C14orf39: variants seen among roughly 807,000 people sequenced by gnomAD.
C14orf39 encodes the protein protein SIX6OS1.
Under a neutral mutation model 85.6 loss-of-function variants are expected in C14orf39, and 66 were observed. That is an observed-to-expected ratio of 0.77 (90% CI 0.63 to 0.95). C14orf39 has a LOEUF of 0.95. C14orf39 is among the 40% of genes least tolerant of loss of function. The pLI is 0.00. For missense variants in C14orf39, 735 were observed against 663.9 expected, an observed-to-expected ratio of 1.11 and a Z score of -1.18; for synonymous variants, 242 against 214.0, an observed-to-expected ratio of 1.13 and a Z score of -1.14.
intron 5 of C14orf39, among the ~76,000 whole-genome samples, 157 bp downstream of exon 5, chr14:60,478,143 C>T (rs1170407976): frequency 8.8e-6 from 1 of 113,560 alleles, no homozygotes; most frequent in African/African-American, 3.2e-5. Context: ...CATGCCACTG[C>T]ACTCCAGCCT....
chr14:60,468,794 A>C (rs555808426), intron 8 of C14orf39, among the ~76,000 whole-genome samples: 100 of 151,726 alleles, frequency 6.6e-4, no homozygotes, highest in Non-Finnish European at 1.0e-3. Context: ...ATTATAAGCA[A>C]AGTAGACATT....
intron 2 of C14orf39, chr14:60,494,485 C>G (rs1045905463): frequency 3.9e-5 from 6 of 152,788 alleles, no homozygotes; most frequent in Non-Finnish European, 8.8e-5. Context: ...AAGAACATGG[C>G]CAAGGGTCTG....
At chr14:60,508,756 G>A (rs963591604) in intron 1 of C14orf39, among the ~76,000 whole-genome samples, 4 of 152,336 alleles carry the variant, frequency 2.6e-5, no homozygotes, top group Non-Finnish European at 5.9e-5. Context: ...CGAATTCTCG[G>A]AGCATTTCAG....
chr14:60,446,592 G>T (rs556616108), intron 16 of C14orf39, among the ~76,000 whole-genome samples: 2 of 152,178 alleles, frequency 1.3e-5, no homozygotes, highest in Admixed American at 1.3e-4. Context: ...AGGACCAGAC[G>T]GAATCACAAC....
chr14:60,475,658 G>A (rs1459342130), intron 5 of C14orf39, among the ~76,000 whole-genome samples: 1 of 152,056 alleles, frequency 6.6e-6, no homozygotes, highest in African/African-American at 2.4e-5. Context: ...AGTAGTCATG[G>A]CAGATGTTGG....
chr14:60,496,500 TCTTA>T (rs1893071931), intron 2 of C14orf39: 1 of 246,962 alleles, frequency 4.0e-6, no homozygotes, highest in Admixed American at 4.5e-5. Context: ...ATGTGACCAT[TCTTA>T]CTGCTTGGAC....
chr14:60,445,065 G>T (rs1489069596), intron 16 of C14orf39, among the ~76,000 whole-genome samples: 1 of 151,598 alleles, frequency 6.6e-6, no homozygotes, highest in African/African-American at 2.4e-5. Flanking sequence ...GCTCCTGAAG[G>T]GAACACTAAA....
chr14:60,493,319 T>C (rs1893019833), intron 2 of C14orf39, among the ~76,000 whole-genome samples: 1 of 152,164 alleles, frequency 6.6e-6, no homozygotes, highest in African/African-American at 2.4e-5. Flanking sequence ...GAAAGATAGG[T>C]ACATGGTTAG....
At chr14:60,509,175 G>T in intron 1 of C14orf39, 1 of 579,690 alleles carries the variant, frequency 1.7e-6, no homozygotes. Flanking sequence ...CTGCCGGCGT[G>T]CCTGAGCCGA....
intron 4 of C14orf39, among the ~76,000 whole-genome samples, chr14:60,480,779 A>T (rs1892604176): frequency 6.7e-6 from 1 of 149,814 alleles, no homozygotes; most frequent in African/African-American, 2.4e-5. Context: ...CCTGAAAAAA[A>T]GTAGGAAATT....
At chr14:60,510,290 C>G (rs920742382) in intron 1 of C14orf39, among the ~76,000 whole-genome samples, 3 of 152,186 alleles carry the variant, frequency 2.0e-5, no homozygotes, top group Admixed American at 2.0e-4. Context: ...ACCCCAAGAC[C>G]CAAAGCTAAT....
intron 16 of C14orf39, among the ~76,000 whole-genome samples, chr14:60,443,977 A>T (rs1340759724): frequency 6.6e-6 from 1 of 152,228 alleles, no homozygotes; most frequent in Non-Finnish European, 1.5e-5. Flanking sequence ...AAGGAAAACT[A>T]ACAAACAGAA....
In C14orf39 at chr14:60,467,463, T is replaced by C. The variant is rs137992189; in HGVS notation, c.768-419A>G. ...AATTGTTAAAACAGTATTATAATCA[T>C]AAATGGGTCTTTTAAGTTTTTTACT... is the stretch of plus-strand genomic sequence containing the variant. On this transcript the variant is annotated intron_variant, in intron 9 of 17. Transcript: ENST00000321731. Among the ~76,000 whole-genome samples, 51 of 151,976 alleles carry C rather than the reference T, an allele frequency of 3.4e-4. No homozygotes were observed. The East Asian group carries it at 9.5e-3, about 28-fold the overall frequency.
At chr14:60,473,777 C>T (rs1167431957) in intron 5 of C14orf39, among the ~76,000 whole-genome samples, 1 of 152,138 alleles carries the variant, frequency 6.6e-6, no homozygotes, top group African/African-American at 2.4e-5. Flanking sequence ...TCTTTTGGTA[C>T]CAGTACCATG....
In C14orf39 at chr14:60,480,345, C is replaced by T. The variant is rs1358364607; in HGVS notation, c.234-1956G>A. On this transcript the variant is annotated intron_variant, in intron 4 of 17. Transcript: ENST00000321731. ...GCTGAGACAGGAGAATCACTTGAAC[C>T]CAGGAGGTGGAGGGAGGAGGTCGCA... 2.0e-5 allele frequency among the ~76,000 whole-genome samples: 3 copies of T among 152,082 alleles called. No individual in the cohort carries two copies. The East Asian group carries it at 5.8e-4, about 29-fold the overall frequency.
chr14:60,443,464 AG>A (rs942789187), intron 16 of C14orf39, among the ~76,000 whole-genome samples: 17 of 152,138 alleles, frequency 1.1e-4, no homozygotes, highest in African/African-American at 4.1e-4. Context: ...GCAGCCTGGC[AG>A]GGGGAGGGGT....
intron 1 of C14orf39, among the ~76,000 whole-genome samples, chr14:60,513,746 ATTCCG>A (rs1294553192): frequency 2.0e-5 from 3 of 152,224 alleles, no homozygotes; most frequent in African/African-American, 7.2e-5. Context: ...GAAAATGTCC[ATTCCG>A]CAGTGTCAAG....
chr14:60,436,200 C>T lies in C14orf39; in HGVS notation c.*645G>A, dbSNP rs1890242192. 6.6e-6 allele frequency: 1 copy of T among 151,988 alleles called. No individual in the cohort carries two copies. Among genetic ancestry groups the T allele is most frequent in the South Asian group, 2.1e-4 (1 of 4,822 alleles). The allele number at this position is 151,988 out of a possible 1,614,324, so 9.4% of individuals were successfully genotyped here. On this transcript the variant is annotated 3_prime_UTR_variant, in exon 18 of 18. Transcript: ENST00000321731. ...GCAAAAAAGAATATTAACAGGATCA[C>T]CACTGATACAACAATCCAATTTTCA...
chr14:60,485,501 GC>G (rs2140167584), intron 1 of C14orf39, among the ~76,000 whole-genome samples: 1 of 152,332 alleles, frequency 6.6e-6, no homozygotes, highest in African/African-American at 2.4e-5. Flanking sequence ...TCTAACGAAA[GC>G]CCTTCCCCAA....
Sources: allele counts gnomAD v4.1 joint callset (sites outside exome capture counted in the v4.1 genomes callset), GRCh38; gene constraint gnomAD v4.1.1; transcripts MANE v1.5; gene names NCBI Gene and HGNC (gene_info 2026-07-23, HGNC 2026-07-21).